The following BBX variants were observed in gnomAD, a reference collection of about 807,000 sequenced individuals.
The protein encoded by BBX is BBX high mobility group box domain containing.
BBX carries 30 observed loss-of-function variants against 100.2 expected under a neutral mutation model. The observed-to-expected ratio is 0.30, with a 90% CI of 0.22 to 0.41. The LOEUF is 0.41. Ranked by LOEUF, BBX falls within the 10% of genes least tolerant of loss-of-function variation. The pLI is 1.00. For synonymous variants in BBX, 376 were observed against 388.1 expected, an observed-to-expected ratio of 0.97 and a Z score of 0.37; for missense variants, 1,023 against 1,129.8, an observed-to-expected ratio of 0.91 and a Z score of 1.35.
intron 2 of BBX, among the ~76,000 whole-genome samples, chr3:107,547,752 A>T (rs533037919): frequency 3.3e-5 from 5 of 149,418 alleles, no homozygotes; most frequent in African/African-American, 9.9e-5. Context: ...CCCCCACCTC[A>T]CTCTGCTCTC....
At chr3:107,734,947 A>G (rs2063546421) in intron 7 of BBX, among the ~76,000 whole-genome samples, 2 of 152,148 alleles carry the variant, frequency 1.3e-5, no homozygotes, top group African/African-American at 4.8e-5. Flanking sequence ...GAAAGAAGGG[A>G]ACCATAATGG....
At chr3:107,619,594 G>A (rs914171727) in intron 2 of BBX, among the ~76,000 whole-genome samples, 3 of 150,218 alleles carry the variant, frequency 2.0e-5, no homozygotes, top group East Asian at 2.0e-4. Context: ...TTTCTTCTCC[G>A]TTTATTGAAT....
At chr3:107,706,519 C>CA (rs1382754475) in intron 3 of BBX, among the ~76,000 whole-genome samples, 2 of 151,974 alleles carry the variant, frequency 1.3e-5, no homozygotes, top group Non-Finnish European at 2.9e-5. Flanking sequence ...CATCATTTGA[C>CA]AGTCTCAGCA....
At chr3:107,550,338 G>A (rs1242962059) in intron 2 of BBX, among the ~76,000 whole-genome samples, 3 of 152,102 alleles carry the variant, frequency 2.0e-5, no homozygotes, top group Non-Finnish European at 2.9e-5. Context: ...GTCAGATGAG[G>A]GATCGGTAAC....
At chr3:107,643,662 G>C (rs973456207) in intron 2 of BBX, among the ~76,000 whole-genome samples, 6 of 151,822 alleles carry the variant, frequency 4.0e-5, no homozygotes, top group Non-Finnish European at 8.8e-5. Context: ...CTCATACTTA[G>C]GGCATTTCCC....
intron 2 of BBX, among the ~76,000 whole-genome samples, chr3:107,630,839 G>A (rs1022016740): frequency 1.3e-5 from 2 of 152,104 alleles, no homozygotes; most frequent in African/African-American, 4.8e-5. Flanking sequence ...GTCAGTCATG[G>A]GCAAGGGTGA....
chr3:107,797,364 A>ATGTATATG (rs71113691), intron 15 of BBX, among the ~76,000 whole-genome samples: 2 of 109,838 alleles, frequency 1.8e-5, no homozygotes, highest in Non-Finnish European at 3.8e-5. Context: ...ATATATATAT[A>ATGTATATG]GCTTTATTGC....
chr3:107,590,220 C>A (rs1472629021), intron 2 of BBX, among the ~76,000 whole-genome samples: 1 of 151,964 alleles, frequency 6.6e-6, no homozygotes. Context: ...CATGGTTAAG[C>A]AGAAATTTAT....
At chr3:107,524,803 G>A in intron 1 of BBX, among the ~76,000 whole-genome samples, 1 of 68,290 alleles carries the variant, frequency 1.5e-5, no homozygotes, top group East Asian at 2.7e-4. Flanking sequence ...GGGTGGAGGT[G>A]GGGGGGGGGG....
chr3:107,555,273 A>T lies in BBX; in HGVS notation c.-84+28875A>T, dbSNP rs140235236. Among the ~76,000 whole-genome samples the T allele has an allele frequency of 8.7e-3, 1,329 of 152,282 alleles. 26 individuals are homozygous for T. Among genetic ancestry groups the T allele is most frequent in the African/African-American group, 0.03 (1,267 of 41,548 alleles). On this transcript the variant is annotated intron_variant, in intron 2 of 17. Transcript: ENST00000325805. Reference sequence around the variant, plus strand: ...GGATTATTTGGCTAAACAATATAGAACAGTTGGAATACGTTTCTTGTGTTG... The same window carrying T: ...GGATTATTTGGCTAAACAATATAGATCAGTTGGAATACGTTTCTTGTGTTG...
chr3:107,706,022 CTTT>C (rs35648451), intron 3 of BBX, among the ~76,000 whole-genome samples: 2 of 128,836 alleles, frequency 1.6e-5, no homozygotes, highest in Non-Finnish European at 1.6e-5. Flanking sequence ...GAGCTTGCTA[CTTT>C]TTTTTTTTTT....
intron 2 of BBX, among the ~76,000 whole-genome samples, chr3:107,568,421 C>T (rs536203344): frequency 4.6e-5 from 7 of 152,142 alleles, no homozygotes; most frequent in South Asian, 4.2e-4. Flanking sequence ...CCCGCCACCA[C>T]GCTTGGCTAA....
Position 107,772,887 on chromosome 3 carries a change from C to A in BBX, c.1166C>A (p.Pro389His). The change falls in exon 11 of 18, where the codon CCC becomes CAC. Residue 389 changes from proline (P) to histidine (H), a missense_variant. Transcript: ENST00000325805. ...ATAATGGCTATAAAAATGGAAGATC[C>A]CAAAGAAATTAGAAAGGAAGAGTTA... ...DDIMAIKMED[P>H]KEIRKEELEE... 1 of 1,611,166 alleles carries A rather than the reference C, an allele frequency of 6.2e-7. No homozygotes were observed. Among genetic ancestry groups the A allele is most frequent in the Non-Finnish European group, 8.5e-7 (1 of 1,179,292 alleles).
chr3:107,772,143 A>T (rs375671835), intron 10 of BBX, among the ~76,000 whole-genome samples: 7 of 152,296 alleles, frequency 4.6e-5, no homozygotes, highest in Non-Finnish European at 8.8e-5. Flanking sequence ...AGCATTTCGG[A>T]TAAGGGATAT....
rs138788898 is a variant in BBX at position 107,556,493 on chromosome 3, A to G, written c.-84+30095A>G. ...TAAATGCTGGGTGTTATACAGCTTTATAAGTACCTGGTACCTTTCTGCAGT... is the reference window on the plus strand; with the variant it reads ...TAAATGCTGGGTGTTATACAGCTTTGTAAGTACCTGGTACCTTTCTGCAGT... On this transcript the variant is annotated intron_variant, in intron 2 of 17. Transcript: ENST00000325805. Among the ~76,000 whole-genome samples, 920 of 152,286 alleles carry G rather than the reference A, an allele frequency of 6.0e-3. 11 individuals are homozygous for G. Among genetic ancestry groups the G allele is most frequent in the African/African-American group, 0.021 (865 of 41,566 alleles).
Position 107,805,712 on chromosome 3 carries a change from T to A in BBX, c.*255T>A. On this transcript the variant is annotated 3_prime_UTR_variant, in exon 18 of 18. Transcript: ENST00000325805. ...AGAATGATCCTGGAGCTTTGCTTTC[T>A]ATTGAAGGCTTTTGACGGTAATAGG... 1.8e-6 allele frequency: 1 copy of A among 561,992 alleles called. No homozygotes were observed. The highest frequency in any genetic ancestry group is 2.9e-6 in the Non-Finnish European group (1 of 349,350). The allele number at this position is 561,992 out of a possible 1,614,324, so 34.8% of individuals were successfully genotyped here.
At chr3:107,658,194 T>C (rs2058252147) in intron 3 of BBX, among the ~76,000 whole-genome samples, 2 of 152,172 alleles carry the variant, frequency 1.3e-5, no homozygotes, top group African/African-American at 4.8e-5. Context: ...ACTGTCTTCG[T>C]TGAGTAATCC....
chr3:107,797,671 G>A (rs1329615626), intron 15 of BBX, among the ~76,000 whole-genome samples: 1 of 152,006 alleles, frequency 6.6e-6, no homozygotes, highest in Non-Finnish European at 1.5e-5. Flanking sequence ...AAGGTCAGGA[G>A]GGGGTAAACT....
At chr3:107,705,321 G>A (rs551282135) in intron 3 of BBX, among the ~76,000 whole-genome samples, 4 of 152,142 alleles carry the variant, frequency 2.6e-5, no homozygotes, top group Non-Finnish European at 5.9e-5. Context: ...ACCAGGATTT[G>A]AGTGGAATTT....
Sources: gnomAD v4.1 joint callset for allele counts (sites outside exome capture counted in the v4.1 genomes callset) on GRCh38, gnomAD v4.1.1 for gene constraint, MANE v1.5 for transcripts, NCBI Gene and HGNC (gene_info 2026-07-23, HGNC 2026-07-21) for gene names.